RAB3C: variants seen among roughly 807,000 people sequenced by gnomAD.
RAB3C encodes the protein RAB3C, member RAS oncogene family.
In RAB3C, 17 loss-of-function variants were observed where a neutral mutation model predicts 26.4. The observed-to-expected ratio is 0.64, with a 90% CI of 0.44 to 0.97. The LOEUF is 0.97. Ranked by LOEUF, RAB3C falls within the 50% of genes least tolerant of loss-of-function variation. The pLI is 0.00. For synonymous variants in RAB3C, 91 were observed against 95.9 expected, an observed-to-expected ratio of 0.95 and a Z score of 0.30; for missense variants, 242 against 281.9, an observed-to-expected ratio of 0.86 and a Z score of 1.01.
At chr5:58,599,061 A>G (rs1423985749) in intron 1 of RAB3C, among the ~76,000 whole-genome samples, 2 of 152,094 alleles carry the variant, frequency 1.3e-5, no homozygotes, top group Non-Finnish European at 2.9e-5. Flanking sequence ...AAATAAAACA[A>G]AAACCTTGCC....
At chr5:58,680,118 A>G (rs1377917711) in intron 2 of RAB3C, among the ~76,000 whole-genome samples, 2 of 152,218 alleles carry the variant, frequency 1.3e-5, no homozygotes, top group Admixed American at 6.5e-5. Context: ...TACAACAAAT[A>G]AAAGAATCAA....
chr5:58,798,428 G>C (rs1742724595), intron 3 of RAB3C, among the ~76,000 whole-genome samples: 1 of 152,102 alleles, frequency 6.6e-6, no homozygotes, highest in Admixed American at 6.6e-5. Flanking sequence ...TTTGTCATGG[G>C]AAGTGCTCAA....
At chr5:58,835,236 T>G (rs1296590552) in intron 4 of RAB3C, among the ~76,000 whole-genome samples, 2 of 152,150 alleles carry the variant, frequency 1.3e-5, no homozygotes, top group Non-Finnish European at 2.9e-5. Flanking sequence ...AAATCCCTAT[T>G]TTACTGAGAC....
intron 2 of RAB3C, among the ~76,000 whole-genome samples, chr5:58,691,919 T>C (rs1034738116): frequency 2.0e-5 from 3 of 152,196 alleles, no homozygotes; most frequent in African/African-American, 7.2e-5. Flanking sequence ...CTTCACAAAA[T>C]GTGATTGTGT....
At chr5:58,805,715 C>T (rs1742927393) in intron 3 of RAB3C, among the ~76,000 whole-genome samples, 1 of 151,676 alleles carries the variant, frequency 6.6e-6, no homozygotes, top group Middle Eastern at 3.5e-3. Context: ...GTGTGATTAA[C>T]ATAAAAAGCA....
intron 2 of RAB3C, among the ~76,000 whole-genome samples, chr5:58,682,696 G>GAAAAAAAAAAAAA (rs548127913): frequency 6.8e-5 from 5 of 73,890 alleles, no homozygotes; most frequent in Non-Finnish European, 1.6e-4. Flanking sequence ...AAAGAAAAAA[G>GAAAAAAAAAAAAA]AAAAAAAAAA....
At chr5:58,724,960 A>G (rs1740856157) in intron 2 of RAB3C, among the ~76,000 whole-genome samples, 1 of 151,784 alleles carries the variant, frequency 6.6e-6, no homozygotes, top group South Asian at 2.1e-4. Context: ...TTCATACTAG[A>G]GTTATGAGGG....
intron 3 of RAB3C, among the ~76,000 whole-genome samples, chr5:58,747,766 G>A (rs1381574952): frequency 6.6e-6 from 1 of 150,896 alleles, no homozygotes; most frequent in African/African-American, 2.4e-5. Context: ...GTAATATATT[G>A]TAAATATTCA....
intron 3 of RAB3C, among the ~76,000 whole-genome samples, chr5:58,731,624 A>G (rs1016115891): frequency 1.3e-5 from 2 of 152,166 alleles, no homozygotes; most frequent in African/African-American, 4.8e-5. Context: ...GGGATTTGCA[A>G]ACTGATCTCT....
chr5:58,844,055 T>C (rs558508886), intron 4 of RAB3C, among the ~76,000 whole-genome samples: 8 of 152,336 alleles, frequency 5.3e-5, no homozygotes, highest in South Asian at 2.1e-4. Context: ...TCTAGAGATA[T>C]GGAGAAGCAC....
chr5:58,640,183 T>C (rs1030418901), intron 2 of RAB3C, among the ~76,000 whole-genome samples: 1 of 152,222 alleles, frequency 6.6e-6, no homozygotes, highest in Non-Finnish European at 1.5e-5. Flanking sequence ...CAGCCTCTCC[T>C]GGTTCCTTTC....
At chr5:58,626,171 C>T (rs1437927605) in intron 2 of RAB3C, among the ~76,000 whole-genome samples, 1 of 152,130 alleles carries the variant, frequency 6.6e-6, no homozygotes, top group African/African-American at 2.4e-5. Context: ...TAGCTGCTTT[C>T]CTTTCTCATT....
At chr5:58,686,730 G>C (rs1309099738) in intron 2 of RAB3C, among the ~76,000 whole-genome samples, 3 of 151,522 alleles carry the variant, frequency 2.0e-5, no homozygotes, top group Non-Finnish European at 4.4e-5. Context: ...TTAATTCTTA[G>C]AGCCAGCTCT....
intron 1 of RAB3C, among the ~76,000 whole-genome samples, chr5:58,607,871 C>T (rs1483828997): frequency 6.6e-6 from 1 of 152,100 alleles, no homozygotes; most frequent in Non-Finnish European, 1.5e-5. Flanking sequence ...CCTTTACAGA[C>T]AAGCAAATGC....
intron 3 of RAB3C, among the ~76,000 whole-genome samples, chr5:58,804,664 C>CAT (rs936542799): frequency 2.1e-5 from 3 of 144,160 alleles, no homozygotes; most frequent in African/African-American, 8.5e-5. Context: ...CAGTGGGGTG[C>CAT]ATATGTGTGT....
chr5:58,815,824 G>C (rs1743203888), intron 3 of RAB3C: 1 of 152,082 alleles, frequency 6.6e-6, no homozygotes, highest in South Asian at 2.1e-4. Context: ...TATAGTCAAG[G>C]GGGGATGTGA....
intron 2 of RAB3C, among the ~76,000 whole-genome samples, chr5:58,636,224 T>G (rs1466748822): frequency 7.9e-5 from 12 of 152,238 alleles, no homozygotes; most frequent in Non-Finnish European, 1.5e-5. Context: ...CTGGTCTTCC[T>G]GGTATCCCAA....
intron 2 of RAB3C, among the ~76,000 whole-genome samples, chr5:58,656,183 C>T (rs1747768986): frequency 6.6e-6 from 1 of 152,148 alleles, no homozygotes; most frequent in South Asian, 2.1e-4. Flanking sequence ...AAGGCAGACG[C>T]TGACCAAAAA....
chr5:58,783,753 A>T (rs1394037672), intron 3 of RAB3C, among the ~76,000 whole-genome samples: 1 of 152,168 alleles, frequency 6.6e-6, no homozygotes, highest in African/African-American at 2.4e-5. Context: ...TTAAACATCA[A>T]ACATTCTCCC....
Sources: gnomAD v4.1 joint callset for allele counts (sites outside exome capture counted in the v4.1 genomes callset) on GRCh38, gnomAD v4.1.1 for gene constraint, MANE v1.5 for transcripts, NCBI Gene and HGNC (gene_info 2026-07-23, HGNC 2026-07-21) for gene names.